HCRTR2: variants seen among roughly 807,000 people sequenced by gnomAD.
HCRTR2 encodes the protein hypocretin receptor 2.
HCRTR2 carries 22 observed loss-of-function variants against 49.0 expected under a neutral mutation model. The observed-to-expected ratio is 0.45, with a 90% CI of 0.32 to 0.64. The LOEUF is 0.64. Ranked by LOEUF, HCRTR2 falls within the 30% of genes least tolerant of loss-of-function variation. HCRTR2 has a pLI of 0.04. For synonymous variants in HCRTR2, 236 were observed against 205.3 expected (o/e 1.15, Z -1.28); for missense variants, 491 against 559.4 (o/e 0.88, Z 1.23).
At chr6:55,248,870 G>C in intron 2 of HCRTR2, 53 bp downstream of exon 2, 1 of 1,439,410 alleles carries the variant, frequency 6.9e-7, no homozygotes, top group Non-Finnish European at 9.8e-7. Context: ...TTCAGCCATA[G>C]CGATGGCCCT....
intron 1 of HCRTR2, among the ~76,000 whole-genome samples, chr6:55,110,458 A>G (rs2127610509): frequency 6.6e-6 from 1 of 152,274 alleles, no homozygotes; most frequent in East Asian, 1.9e-4. Context: ...TTCACCAACC[A>G]AATACCTGCA....
chr6:55,113,343 A>C (rs1764075739), intron 1 of HCRTR2, among the ~76,000 whole-genome samples: 1 of 152,126 alleles, frequency 6.6e-6, no homozygotes, highest in African/African-American at 2.4e-5. Flanking sequence ...TGAACAGACA[A>C]CCCACAGAGT....
chr6:55,190,766 A>G (rs1376474443), intron 1 of HCRTR2, among the ~76,000 whole-genome samples: 1 of 152,204 alleles, frequency 6.6e-6, no homozygotes, highest in Non-Finnish European at 1.5e-5. Flanking sequence ...TTAAACATCC[A>G]GAAAACAAAA....
chr6:55,123,385 A>G (rs1022787699), intron 1 of HCRTR2, among the ~76,000 whole-genome samples: 1 of 152,042 alleles, frequency 6.6e-6, no homozygotes, highest in Non-Finnish European at 1.5e-5. Flanking sequence ...TGAGATAATC[A>G]TGTGGTTTTT....
intron 4 of HCRTR2, among the ~76,000 whole-genome samples, chr6:55,269,357 G>T (rs1300052070): frequency 6.6e-6 from 1 of 151,808 alleles, no homozygotes; most frequent in East Asian, 1.9e-4. Flanking sequence ...ACAGGCAAGA[G>T]ATAATATTAA....
At chr6:55,177,180 G>A (rs143704341) in intron 1 of HCRTR2, among the ~76,000 whole-genome samples, 1 of 152,228 alleles carries the variant, frequency 6.6e-6, no homozygotes, top group African/African-American at 2.4e-5. Flanking sequence ...TGCTGAAATG[G>A]CCAATTCCAT....
At chr6:55,222,889 G>T (rs1284943581) in intron 1 of HCRTR2, among the ~76,000 whole-genome samples, 1 of 152,094 alleles carries the variant, frequency 6.6e-6, no homozygotes, top group African/African-American at 2.4e-5. Context: ...GAACAATATT[G>T]TACTGTTCAC....
chr6:55,211,220 G>C (rs554468343), intron 1 of HCRTR2, among the ~76,000 whole-genome samples: 1 of 152,204 alleles, frequency 6.6e-6, no homozygotes, highest in African/African-American at 2.4e-5. Context: ...ATATATCCCA[G>C]TCATTAAGCA....
At chr6:55,107,841 CA>C (rs1188214957) in intron 1 of HCRTR2, among the ~76,000 whole-genome samples, 2 of 152,180 alleles carry the variant, frequency 1.3e-5, no homozygotes, top group African/African-American at 4.8e-5. Context: ...CTGTTTTACT[CA>C]CAGTCAGCCT....
chr6:55,208,027 A>C, intron 1 of HCRTR2, among the ~76,000 whole-genome samples: 1 of 152,172 alleles, frequency 6.6e-6, no homozygotes, highest in East Asian at 1.9e-4. Flanking sequence ...TAATGGCATC[A>C]TCATGTGATA....
chr6:55,221,551 C>A (rs530483836), intron 1 of HCRTR2, among the ~76,000 whole-genome samples: 2 of 152,132 alleles, frequency 1.3e-5, no homozygotes, highest in Admixed American at 6.5e-5. Context: ...TGGTGGCTCA[C>A]GCCTGTAATC....
intron 4 of HCRTR2, among the ~76,000 whole-genome samples, chr6:55,265,585 A>T (rs993723156): frequency 1.3e-5 from 2 of 152,250 alleles, no homozygotes; most frequent in Admixed American, 1.3e-4. Context: ...CATTGGCTAA[A>T]ACAAGTCACG....
In HCRTR2 at chr6:55,174,688, A is replaced by G; in HGVS notation, c.101A>G (p.Tyr34Cys). The change falls in exon 1 of 7, where the codon TAT (tyrosine) becomes TGT (cysteine). Residue 34 changes from tyrosine (Y) to cysteine (C), a missense_variant. Physicochemically the swap from Tyr to Cys is radical, Grantham distance 194. Transcript: ENST00000370862. ...TQEPFLNPTD[Y>C]DDEEFLRYLW... is the part of the protein sequence containing the mutation. ...GAGCCCTTTTTAAACCCCACCGACT[A>G]TGACGACGAGGAATTCCTGCGGTAC... 6.2e-7 allele frequency: 1 copy of G among 1,614,076 alleles called. No homozygotes were observed. The highest frequency in any genetic ancestry group is 8.5e-7 in the Non-Finnish European group (1 of 1,179,990).
chr6:55,150,789 A>G (rs1000617351), intron 1 of HCRTR2, among the ~76,000 whole-genome samples: 8 of 152,132 alleles, frequency 5.3e-5, no homozygotes, highest in African/African-American at 1.9e-4. Context: ...CAATGTTTTA[A>G]TAAACATGAG....
At chr6:55,282,151 A>G (rs1767202470) in intron 6 of HCRTR2, 74 bp from the exon 7 acceptor site, 1 of 1,075,898 alleles carries the variant, frequency 9.3e-7, no homozygotes, top group African/African-American at 1.6e-5. Flanking sequence ...GGAGCAACTC[A>G]GTTGTACCCT....
intron 3 of HCRTR2, among the ~76,000 whole-genome samples, chr6:55,257,004 A>C (rs913395922): frequency 2.0e-5 from 3 of 152,180 alleles, no homozygotes; most frequent in African/African-American, 4.8e-5. Flanking sequence ...AACTGCTAAC[A>C]TTCCAGCAGA....
chr6:55,224,107 G>C (rs1765950840), intron 1 of HCRTR2, among the ~76,000 whole-genome samples: 1 of 152,108 alleles, frequency 6.6e-6, no homozygotes, highest in Non-Finnish European at 1.5e-5. Flanking sequence ...AAATTTAAAT[G>C]AAAGTCAATT....
intron 1 of HCRTR2, among the ~76,000 whole-genome samples, chr6:55,244,483 T>C (rs1562020007): frequency 6.6e-6 from 1 of 151,786 alleles, no homozygotes; most frequent in Non-Finnish European, 1.5e-5. Flanking sequence ...ATAGAAAGAA[T>C]ATAATAGAGG....
intron 1 of HCRTR2, among the ~76,000 whole-genome samples, chr6:55,110,157 T>G (rs1202046985): frequency 6.6e-6 from 1 of 152,098 alleles, no homozygotes; most frequent in Non-Finnish European, 1.5e-5. Flanking sequence ...TTTTCCAGAC[T>G]AATAAATGCT....
Sources: gnomAD v4.1 joint callset for allele counts (sites outside exome capture counted in the v4.1 genomes callset) on GRCh38, gnomAD v4.1.1 for gene constraint, MANE v1.5 for transcripts, NCBI Gene and HGNC (gene_info 2026-07-23, HGNC 2026-07-21) for gene names.